Variants in CSF2RA observed in about 807,000 individuals in gnomAD.
CSF2RA encodes the protein colony stimulating factor 2 receptor subunit alpha, also known as granulocyte-macrophage colony-stimulating factor receptor subunit alpha.
In CSF2RA, 42 loss-of-function variants were observed where a neutral mutation model predicts 51.6. The observed-to-expected ratio is 0.81, with a 90% CI of 0.64 to 1.05. The LOEUF (loss-of-function observed/expected upper bound fraction) is 1.05. Among genes scored for constraint, CSF2RA ranks in the 50% least tolerant of loss-of-function variants. CSF2RA has a pLI of 0.00. For missense variants in CSF2RA, 530 were observed against 501.1 expected (o/e 1.06, Z -0.55); for synonymous variants, 222 against 193.0 (o/e 1.15, Z -1.24).
At chrX:1,281,121 CCTCCTCCTCCTG>C (rs1569494745) in intron 2 of CSF2RA, among the ~76,000 whole-genome samples, 1 of 118,392 alleles carries the variant, frequency 8.4e-6, no homozygotes, top group African/African-American at 3.4e-5. Flanking sequence ...TTCTCCTCCT[CCTCCTCCTCCTG>C]CTCCTCCTCC....
At chrX:1,294,774 G>A (rs868445058) in intron 8 of CSF2RA, among the ~76,000 whole-genome samples, 1 of 97,826 alleles carries the variant, frequency 1.0e-5, no homozygotes, top group East Asian at 2.7e-4. Context: ...CCAGCTGGAC[G>A]CAGTGTAGAC....
intron 2 of CSF2RA, 146 bp from the exon 3 acceptor site, chrX:1,282,532 C>T: frequency 1.4e-6 from 1 of 726,310 alleles, no homozygotes; most frequent in South Asian, 1.5e-5. Context: ...CAGACCTTCC[C>T]AGCTGGCCAT....
chrX:1,319,375 A>C, the CSF2RA span, among the ~76,000 whole-genome samples: 19 of 142,318 alleles, frequency 1.3e-4, 3 homozygotes, highest in East Asian at 4.1e-3. Context: ...GTAGCCTCAG[A>C]CTCCCCGGCT....
chrX:1,289,841 G>GTTTTGTGT (rs1259721751), intron 6 of CSF2RA, among the ~76,000 whole-genome samples: 2 of 108,330 alleles, frequency 1.8e-5, no homozygotes, highest in Non-Finnish European at 4.0e-5. Flanking sequence ...TTTTTGTTTT[G>GTTTTGTGT]TTTTGTGTTT....
intron 11 of CSF2RA, 82 bp from the exon 12 acceptor site, chrX:1,305,364 C>T: frequency 6.8e-7 from 1 of 1,470,808 alleles, no homozygotes; most frequent in Non-Finnish European, 9.5e-7. Context: ...CCGCACGCAG[C>T]ATCCCTCGGC....
rs1440535965 is a variant in CSF2RA, at chrX:1,309,855, A to T, written c.*376A>T. On this transcript the variant is annotated 3_prime_UTR_variant, in exon 13 of 13. Transcript: ENST00000381529. Reference sequence around the variant, plus strand: ...GTGAGCCAAGATCGCACCATTGCACACCAACCTGCGTGACAGAGCAAGATT... The same window carrying T: ...GTGAGCCAAGATCGCACCATTGCACTCCAACCTGCGTGACAGAGCAAGATT... 3.4e-6 allele frequency: 2 copies of T among 596,772 alleles called. No homozygotes were observed. Among genetic ancestry groups the T allele is most frequent in the South Asian group, 2.1e-5 (1 of 48,124 alleles). The allele number at this position is 596,772 out of a possible 1,614,324, so 37.0% of individuals were successfully genotyped here.
Position 1,290,368 on chromosome X carries a change from A to G in CSF2RA, c.505A>G (p.Ile169Val). The change falls in exon 7 of 13, where the codon ATA becomes GTA. Residue 169 changes from isoleucine (I) to valine (V), a missense_variant. Coordinates refer to ENST00000381529, the MANE Select transcript of CSF2RA (RefSeq NM_172245.4). ...RRREIRCPYY[I>V]QDSGTHVGCH... ...GAGGGAGATCCGGTGTCCTTATTAC[A>G]TACAAGACTCAGGAACCCATGTGGG... 6.2e-7 allele frequency: 1 copy of G among 1,613,674 alleles called. No individual in the cohort carries two copies. Among genetic ancestry groups the G allele is most frequent in the Non-Finnish European group, 8.5e-7 (1 of 1,179,686 alleles).
At chrX:1,286,728 A>T (rs1225516177) in intron 4 of CSF2RA, among the ~76,000 whole-genome samples, 1 of 152,204 alleles carries the variant, frequency 6.6e-6, no homozygotes, top group Non-Finnish European at 1.5e-5. Context: ...CCAGAGCCTG[A>T]TTCCCTGAGG....
intron 3 of CSF2RA, among the ~76,000 whole-genome samples, chrX:1,284,802 T>C (rs1475281892): frequency 8.6e-5 from 13 of 151,842 alleles, no homozygotes; most frequent in Non-Finnish European, 1.9e-4. Flanking sequence ...GTAGCTGGGA[T>C]TACAGGTACC....
intron 9 of CSF2RA, among the ~76,000 whole-genome samples, chrX:1,296,149 G>C (rs1569506588): frequency 6.7e-6 from 1 of 148,714 alleles, no homozygotes; most frequent in Non-Finnish European, 1.5e-5. Flanking sequence ...ATGACCCCTG[G>C]AGTAACCCTA....
At chrX:1,314,813 C>G (rs1419504676), downstream of CSF2RA, among the ~76,000 whole-genome samples, 7 of 73,972 alleles carry the variant, frequency 9.5e-5, 1 homozygote, top group South Asian at 4.9e-4. Context: ...CTGCCCAACC[C>G]CACTGTGCCT....
In CSF2RA at chrX:1,304,293, G is replaced by A. The variant is rs1328292846; in HGVS notation, c.1043+274G>A. ...CGGGCGCCTGTAGTCCCAGCTACTC[G>A]GGAGGCTGAGGCAGGAGAATCGCTT... On this transcript the variant is annotated intron_variant, in intron 11 of 12. Coordinates refer to ENST00000381529, the MANE Select transcript of CSF2RA (RefSeq NM_172245.4). 7.8e-5 allele frequency among the ~76,000 whole-genome samples: 7 copies of A among 90,292 alleles called. 1 individual carries two copies. Among genetic ancestry groups the A allele is most frequent in the African/African-American group, 1.1e-4 (2 of 18,234 alleles). 59.2% of individuals were successfully genotyped at this position (90,292 alleles called of 152,430 possible).
chrX:1,314,321 A>T (rs1289946654), downstream of CSF2RA, among the ~76,000 whole-genome samples: 1 of 138,732 alleles, frequency 7.2e-6, no homozygotes, highest in African/African-American at 2.6e-5. Context: ...GCCCAACCAC[A>T]CTGCACCTGC....
In CSF2RA at chrX:1,309,741, A is replaced by G. The variant is rs780729904; in HGVS notation, c.*262A>G. 1.1e-5 allele frequency: 8 copies of G among 752,906 alleles called. No individual in the cohort carries two copies. In the Admixed American group the frequency reaches 1.1e-4, roughly 10 times the overall value. The allele number at this position is 752,906 out of a possible 1,614,324, so 46.6% of individuals were successfully genotyped here. ...ATCTGGACTAAAAATGCAGAAATTT[A>G]CCCAGGCACGGCGGCGGACGCCCAT... On this transcript the variant is annotated 3_prime_UTR_variant, in exon 13 of 13. Transcript: ENST00000381529.
the CSF2RA span, among the ~76,000 whole-genome samples, chrX:1,321,325 C>T: frequency 2.6e-5 from 4 of 151,882 alleles, no homozygotes; most frequent in East Asian, 1.9e-4. Context: ...AAAAATTAGC[C>T]GGGCGACGTG....
downstream of CSF2RA, among the ~76,000 whole-genome samples, chrX:1,314,366 C>G (rs1207860974): frequency 6.9e-6 from 1 of 145,508 alleles, no homozygotes; most frequent in African/African-American, 2.6e-5. Flanking sequence ...CCCACTGCAT[C>G]TGCCCAACCA....
chrX:1,320,559 G>T, the CSF2RA span, among the ~76,000 whole-genome samples: 2 of 149,436 alleles, frequency 1.3e-5, no homozygotes, highest in African/African-American at 4.9e-5. Flanking sequence ...GTGCCATGGC[G>T]TGGTCTTGGC....
chrX:1,307,922 CCTT>C lies in CSF2RA; in HGVS notation c.1126-1478_1126-1476del, dbSNP rs1438484701. On this transcript the variant is annotated intron_variant, in intron 12 of 12. Transcript: ENST00000381529. ...ATGAGACCCACCCTTCCCATTTAGA[CCTT>C]CAACTCATTAGATGAAGCCCACCCT... Among the ~76,000 whole-genome samples the C allele has an allele frequency of 6.9e-4, 104 of 150,990 alleles. 3 individuals are homozygous for C. The highest frequency in any genetic ancestry group is 2.4e-3 in the African/African-American group (101 of 41,372).
intron 3 of CSF2RA, among the ~76,000 whole-genome samples, chrX:1,285,048 C>T (rs2090479146): frequency 1.3e-5 from 2 of 150,408 alleles, no homozygotes; most frequent in South Asian, 4.2e-4. Context: ...ATCACACCTG[C>T]CTAATTTAAA....
Sources: allele counts gnomAD v4.1 joint callset (sites outside exome capture counted in the v4.1 genomes callset), GRCh38; gene constraint gnomAD v4.1.1; transcripts MANE v1.5; gene names NCBI Gene and HGNC (gene_info 2026-07-23, HGNC 2026-07-21).